TTC14: variants seen among roughly 807,000 people sequenced by gnomAD.
TTC14 encodes the protein tetratricopeptide repeat protein 14.
A neutral mutation model predicts 79.9 loss-of-function variants in TTC14; 63 were observed. The ratio of observed to expected loss-of-function variants is 0.79; its 90% CI spans 0.64 to 0.97. TTC14 has a LOEUF of 0.97. Ranked by LOEUF, TTC14 falls within the 50% of genes least tolerant of loss-of-function variation. The pLI, the probability that TTC14 is intolerant of heterozygous loss-of-function variation, is 0.00. For missense variants in TTC14, 895 were observed against 894.0 expected, an observed-to-expected ratio of 1.00 and a Z score of -0.01; for synonymous variants, 335 against 309.6, an observed-to-expected ratio of 1.08 and a Z score of -0.86.
In TTC14 at chr3:180,607,549, T is replaced by C. The variant is rs1716760206; in HGVS notation, c.1173-99T>C. On this transcript the variant is annotated intron_variant, in intron 9 of 11. Coordinates refer to ENST00000296015, the MANE Select transcript of TTC14 (RefSeq NM_133462.4). Reference sequence around the variant, plus strand: ...TTTTGGAAAATAATTTACTTGGCTTTTCCCTAATAAGCTCTCTCATATAAG... The same window carrying C: ...TTTTGGAAAATAATTTACTTGGCTTCTCCCTAATAAGCTCTCTCATATAAG... 5.1e-6 allele frequency: 7 copies of C among 1,383,300 alleles called. No homozygotes were observed. In the South Asian group the frequency reaches 1.2e-4, roughly 23 times the overall value. 85.7% of individuals were successfully genotyped at this position (1,383,300 alleles called of 1,614,324 possible). A position where few individuals can be genotyped will look rare whatever the true frequency, so the allele number is the denominator to read the frequency against.
chr3:180,604,618 C>A lies in TTC14; in HGVS notation c.701+11C>A, dbSNP rs759430733. On this transcript the variant is annotated intron_variant, in intron 5 of 11. Transcript: ENST00000296015. ...TCCTTTATACTACAGGTAATTTATC[C>A]GTATTATTTCAACAACAGTTCATTA... 1.9e-6 allele frequency: 3 copies of A among 1,589,462 alleles called. 1 individual carries two copies. In the Admixed American group the frequency reaches 5.6e-5, roughly 30 times the overall value.
chr3:180,605,567 C>T (rs950952683), intron 6 of TTC14, 199 bp from the exon 7 acceptor site: 2 of 452,364 alleles, frequency 4.4e-6, no homozygotes, highest in Non-Finnish European at 3.9e-6. Context: ...AGGCGTGAGC[C>T]ACCGCACCTG....
chr3:180,605,090 T>A lies in TTC14; in HGVS notation c.857+83T>A, dbSNP rs541014219. 4.1e-5 allele frequency: 59 copies of A among 1,431,392 alleles called. No individual in the cohort carries two copies. In the African/African-American group the frequency reaches 8.0e-4, roughly 19 times the overall value. 88.7% of individuals were successfully genotyped at this position (1,431,392 alleles called of 1,614,324 possible). A position where few individuals can be genotyped will look rare whatever the true frequency, so the allele number is the denominator to read the frequency against. ...CTGCGTTTAGCTGAAGGACGTATTT[T>A]ACCATCCTAAGCCACCTAGTAGCAG... On this transcript the variant is annotated intron_variant, in intron 6 of 11. Coordinates refer to ENST00000296015, the MANE Select transcript of TTC14 (RefSeq NM_133462.4).
chr3:180,602,784 C>T (rs1302922185), intron 1 of TTC14, 107 bp from the exon 2 acceptor site: 1 of 1,294,894 alleles, frequency 7.7e-7, no homozygotes, highest in African/African-American at 1.5e-5. Context: ...GTATTGTCTG[C>T]AGCTTAGGAT....
rs2338574 is a variant in TTC14, at chr3:180,606,802, T to C, written c.1172+199T>C. Among the ~76,000 whole-genome samples the C allele has an allele frequency of 5.5e-3, 838 of 152,346 alleles. 11 individuals carry two copies. Among genetic ancestry groups the C allele is most frequent in the Admixed American group, 0.038 (574 of 15,294 alleles). On this transcript the variant is annotated intron_variant, in intron 9 of 11. Transcript: ENST00000296015. ...TCAAAAGTTTTTGGTTTAATGACTA[T>C]ACTATTTGTGTAGTCATTCCTGTTT... is the stretch of plus-strand genomic sequence containing the variant.
chr3:180,607,642 A>T lies in TTC14; in HGVS notation c.1173-6A>T. On this transcript the variant is annotated splice_region_variant and splice_polypyrimidine_tract_variant and intron_variant, in intron 9 of 11. Transcript: ENST00000296015. ...CAAAAAAGCTAAATCTTTCTTTCAA[A>T]TTTAGGTTAGAAGAAGAAGAAAAGT... 6.3e-7 allele frequency: 1 copy of T among 1,594,858 alleles called. No homozygotes were observed. Among genetic ancestry groups the T allele is most frequent in the Non-Finnish European group, 8.5e-7 (1 of 1,173,912 alleles).
intron 10 of TTC14, 72 bp downstream of exon 10, chr3:180,607,837 A>G: frequency 6.3e-7 from 1 of 1,583,596 alleles, no homozygotes; most frequent in Non-Finnish European, 8.5e-7. Context: ...TCTCCTGAGG[A>G]AAACTATTCT....
chr3:180,602,952 C>G lies in TTC14; in HGVS notation c.223C>G (p.Leu75Val), dbSNP rs1020598792. 6.2e-7 allele frequency: 1 copy of G among 1,613,932 alleles called. No homozygotes were observed. The highest frequency in any genetic ancestry group is 8.5e-7 in the Non-Finnish European group (1 of 1,179,978). The change falls in exon 2 of 12, where the codon CTT becomes GTT. Residue 75 changes from leucine (L) to valine (V), a missense_variant. Coordinates refer to ENST00000296015, the MANE Select transcript of TTC14 (RefSeq NM_133462.4). ...QKFISKKADL[L>V]FALSWKSDAP... ...ATTCATCTCCAAAAAAGCGGATCTG[C>G]TTTTTGCACTTTCCTGGAAATCAGA... is the stretch of plus-strand genomic sequence containing the variant.
In TTC14 at chr3:180,602,885, T is replaced by G; in HGVS notation, c.162-6T>G. 3 of 1,599,078 alleles carry G rather than the reference T, an allele frequency of 1.9e-6. No homozygotes were observed. Among genetic ancestry groups the G allele is most frequent in the Non-Finnish European group, 2.6e-6 (3 of 1,176,108 alleles). On this transcript the variant is annotated splice_polypyrimidine_tract_variant and splice_region_variant and intron_variant, in intron 1 of 11. Transcript: ENST00000296015. ...CAATTTTCATATATATTTTTTTCTTTTTAAGAAAAGAGAAGAGAGTTGACA... is the reference window on the plus strand; with the variant it reads ...CAATTTTCATATATATTTTTTTCTTGTTAAGAAAAGAGAAGAGAGTTGACA...
chr3:180,614,856 G>A (rs529451919), downstream of TTC14: 93 of 1,425,406 alleles, frequency 6.5e-5, 1 homozygote, highest in African/African-American at 8.9e-4. Flanking sequence ...GTGTTGGGTC[G>A]TTTTGTATTT....
intron 3 of TTC14, 160 bp from the exon 4 acceptor site, chr3:180,604,065 G>A: frequency 1.5e-6 from 1 of 670,936 alleles, no homozygotes; most frequent in Non-Finnish European, 2.6e-6. Flanking sequence ...ATTTTACTGT[G>A]TTTGGACACG....
chr3:180,617,979 C>T (rs1277760567), downstream of TTC14, among the ~76,000 whole-genome samples: 1 of 152,064 alleles, frequency 6.6e-6, no homozygotes, highest in Non-Finnish European at 1.5e-5. Context: ...ACAGGTGTAC[C>T]ATTTTTTTAA....
At position 180,602,980 on chromosome 3, in the gene TTC14, C is replaced by G. The variant is rs981812003; in HGVS notation, c.251C>G (p.Ala84Gly). 1 of 1,613,572 alleles carries G rather than the reference C, an allele frequency of 6.2e-7. No homozygotes were observed. The highest frequency in any genetic ancestry group is 1.3e-5 in the African/African-American group (1 of 74,884). The change falls in exon 2 of 12, where the codon GCA becomes GGA. Residue 84 changes from alanine to glycine, a missense_variant. Physicochemically the swap from Ala to Gly is moderately conservative, Grantham distance 60 (BLOSUM62 0). Coordinates refer to ENST00000296015, the MANE Select transcript of TTC14 (RefSeq NM_133462.4). ...LLFALSWKSDAPATSEINEDS... is the reference protein window; with the variant it reads ...LLFALSWKSDGPATSEINEDS... ...TTTGCACTTTCCTGGAAATCAGATG[C>G]ACCTGCAACTTCTGAAATTAATGAA... is the stretch of plus-strand genomic sequence containing the variant.
chr3:180,608,056 C>T, intron 10 of TTC14: 1 of 1,086,846 alleles, frequency 9.2e-7, no homozygotes, highest in Non-Finnish European at 1.1e-6. Flanking sequence ...ATTGTTGCTA[C>T]TATAATTGAG....
rs749066035 is a variant in TTC14 at position 180,606,608 on chromosome 3, G to C, written c.1172+5G>C. ...ACTTGTAGAGAGAGGAGGACAGTAA[G>C]TATCAGATTTTGTTTAATAGTGGAG... On this transcript the variant is annotated splice_donor_5th_base_variant and intron_variant, in intron 9 of 11. Coordinates refer to ENST00000296015, the MANE Select transcript of TTC14 (RefSeq NM_133462.4). The C allele has an allele frequency of 2.1e-5, 33 of 1,606,594 alleles. No homozygotes were observed. The highest frequency in any genetic ancestry group is 2.7e-5 in the Non-Finnish European group (32 of 1,177,846).
downstream of TTC14, among the ~76,000 whole-genome samples, chr3:180,612,948 G>T (rs1371577057): frequency 1.3e-5 from 2 of 152,110 alleles, no homozygotes; most frequent in African/African-American, 4.8e-5. Flanking sequence ...TTTTTCAAAA[G>T]AAGAGATAAA....
At chr3:180,612,531 G>A (rs183907636), downstream of TTC14, among the ~76,000 whole-genome samples, 4 of 152,344 alleles carry the variant, frequency 2.6e-5, no homozygotes, top group East Asian at 7.7e-4. Context: ...ACTTGAGGCT[G>A]AGGGAGGAGG....
rs371996947 is a variant in TTC14, at chr3:180,609,023, CTT to C, written c.1400+214_1400+215del. The C allele has an allele frequency of 7.5e-4, 787 of 1,050,596 alleles. 12 individuals carry two copies. The African/African-American group carries it at 0.012, about 16-fold the overall frequency. 65.1% of individuals were successfully genotyped at this position (1,050,596 alleles called of 1,614,324 possible). A position where few individuals can be genotyped will look rare whatever the true frequency, so the allele number is the denominator to read the frequency against. On this transcript the variant is annotated intron_variant, in intron 11 of 11. Coordinates refer to ENST00000296015, the MANE Select transcript of TTC14 (RefSeq NM_133462.4). ...CTAGAATTCTACAAAAAAAGAGTAT[CTT>C]AGAATTAAAATATAGAATAAGTTAC...
intron 11 of TTC14, chr3:180,609,199 T>C (rs1326080494): frequency 1.6e-6 from 1 of 638,910 alleles, no homozygotes; most frequent in African/African-American, 2.0e-5. Flanking sequence ...TAGTGTATAA[T>C]GGTCAGGGAT....
Sources: allele counts gnomAD v4.1 joint callset (sites outside exome capture counted in the v4.1 genomes callset), GRCh38; gene constraint gnomAD v4.1.1; transcripts MANE v1.5; gene names NCBI Gene and HGNC (gene_info 2026-07-23, HGNC 2026-07-21).